The following NCAM1 variants were observed in gnomAD, a reference collection of about 807,000 sequenced individuals.
NCAM1 encodes antigen recognized by monoclonal antibody 5.1H11.
Under a neutral mutation model 109.8 loss-of-function variants are expected in NCAM1, and 14 were observed. The observed-to-expected ratio is 0.13, with a 90% CI of 0.08 to 0.20. NCAM1 has a LOEUF of 0.20. Ranked by LOEUF, NCAM1 falls within the 10% of genes least tolerant of loss-of-function variation. NCAM1 has a pLI of 1.00. For synonymous variants in NCAM1, 418 were observed against 442.9 expected, an observed-to-expected ratio of 0.94 and a Z score of 0.70; for missense variants, 774 against 1,109.9, an observed-to-expected ratio of 0.70 and a Z score of 4.30.
chr11:113,131,549 T>C (rs1555098310), intron 1 of NCAM1, among the ~76,000 whole-genome samples: 1 of 152,032 alleles, frequency 6.6e-6, no homozygotes, highest in Non-Finnish European at 1.5e-5. Flanking sequence ...TTGCAAGGGG[T>C]ATGTAAGTGA....
intron 17 of NCAM1, chr11:113,269,586 G>C (rs1946220434): frequency 6.5e-6 from 1 of 153,890 alleles, no homozygotes; most frequent in African/African-American, 2.4e-5. Context: ...TTCCTGGGGT[G>C]CAGTGAGGAG....
chr11:113,193,400 C>T (rs1321650563), intron 1 of NCAM1, among the ~76,000 whole-genome samples: 2 of 152,190 alleles, frequency 1.3e-5, no homozygotes, highest in African/African-American at 4.8e-5. Flanking sequence ...GAGCCCAGCA[C>T]TTCGAGAGGC....
At chr11:113,061,213 C>G (rs1361854786) in intron 1 of NCAM1, among the ~76,000 whole-genome samples, 10 of 152,034 alleles carry the variant, frequency 6.6e-5, no homozygotes, top group Admixed American at 6.6e-4. Context: ...ATAATATCCT[C>G]TATATTGTTG....
chr11:113,240,917 C>G (rs1208465465), intron 14 of NCAM1: 2 of 1,338,890 alleles, frequency 1.5e-6, no homozygotes, highest in Non-Finnish European at 2.1e-6. Flanking sequence ...ATCTCCTTCA[C>G]CAGGTGATAA....
chr11:113,092,861 T>A (rs73006881), intron 1 of NCAM1, among the ~76,000 whole-genome samples: 1,979 of 152,294 alleles, frequency 0.013, 14 homozygotes, highest in Non-Finnish European at 0.022. Flanking sequence ...ACCAGCACTG[T>A]CCCACAATTG....
At chr11:113,247,012 A>G (rs1945518633) in intron 15 of NCAM1, among the ~76,000 whole-genome samples, 1 of 152,232 alleles carries the variant, frequency 6.6e-6, no homozygotes, top group Non-Finnish European at 1.5e-5. Flanking sequence ...AGCAAAAGTC[A>G]CTTGGCAATT....
At chr11:113,154,424 A>G (rs11214518) in intron 1 of NCAM1, among the ~76,000 whole-genome samples, 21,767 of 152,138 alleles carry the variant, frequency 0.14, 1,735 homozygotes, top group East Asian at 0.26. Flanking sequence ...AGAAAGAAGC[A>G]GAGAGGTCTT....
chr11:113,126,047 C>T (rs1230008778), intron 1 of NCAM1, among the ~76,000 whole-genome samples: 1 of 151,122 alleles, frequency 6.6e-6, no homozygotes, highest in Non-Finnish European at 1.5e-5. Flanking sequence ...GTCCCAGCTG[C>T]TTGAGAGGCT....
At position 113,278,403 on chromosome 11, in the gene NCAM1, C is replaced by CTT. The variant is rs1317552067; in HGVS notation, c.*3017_*3018dup. 1 of 152,146 alleles carries CTT rather than the reference C, an allele frequency of 6.6e-6. No individual in the cohort carries two copies. Among genetic ancestry groups the CTT allele is most frequent in the Non-Finnish European group, 1.5e-5 (1 of 68,024 alleles). 9.4% of individuals were successfully genotyped at this position (152,146 alleles called of 1,614,324 possible). A position where few individuals can be genotyped will look rare whatever the true frequency, so the allele number is the denominator to read the frequency against. ...TTTGACTTTGCATTCTGTCGGAATA[C>CTT]TTGTGTTCAATAAAAATTGAAAGAA... On this transcript the variant is annotated 3_prime_UTR_variant, in exon 20 of 20. Coordinates refer to ENST00000316851, the MANE Select transcript of NCAM1 (RefSeq NM_181351.5).
intron 1 of NCAM1, among the ~76,000 whole-genome samples, chr11:113,177,843 C>T (rs1943214627): frequency 6.6e-6 from 1 of 152,164 alleles, no homozygotes; most frequent in African/African-American, 2.4e-5. Context: ...CACTCCGTTT[C>T]TGCTTTCTCT....
intron 1 of NCAM1, among the ~76,000 whole-genome samples, chr11:112,991,785 G>A (rs1257936107): frequency 1.3e-5 from 2 of 152,120 alleles, no homozygotes; most frequent in Admixed American, 6.5e-5. Context: ...TACTATTTGT[G>A]CATAATGAAA....
chr11:113,002,347 C>A (rs1188240976), intron 1 of NCAM1, among the ~76,000 whole-genome samples: 1 of 152,152 alleles, frequency 6.6e-6, no homozygotes, highest in African/African-American at 2.4e-5. Flanking sequence ...TTCCTGCTGG[C>A]CTTAGTGAAA....
At chr11:113,260,988 C>T (rs1378113176) in intron 17 of NCAM1, among the ~76,000 whole-genome samples, 2 of 152,296 alleles carry the variant, frequency 1.3e-5, no homozygotes, top group Non-Finnish European at 2.9e-5. Context: ...TCCAGGGATC[C>T]AAGACCTAAC....
At chr11:113,024,238 A>T (rs1555076784) in intron 1 of NCAM1, among the ~76,000 whole-genome samples, 2 of 152,166 alleles carry the variant, frequency 1.3e-5, no homozygotes, top group Admixed American at 6.5e-5. Flanking sequence ...GTCTGCGGTG[A>T]TGTGTTCAAA....
In NCAM1 at chr11:113,014,153, T is replaced by C. The variant is rs370175031; in HGVS notation, c.52+52489T>C. On this transcript the variant is annotated intron_variant, in intron 1 of 19. Transcript: ENST00000316851. The stretch of plus-strand genomic sequence containing the variant: ...ATACTACACAGGCTTGGGGAACACA[T>C]TTAAAAGGCATTTTGGGTTTTAGCT... 1.6e-4 allele frequency among the ~76,000 whole-genome samples: 25 copies of C among 152,292 alleles called. No individual in the cohort carries two copies. In the East Asian group the frequency reaches 4.8e-3, roughly 29 times the overall value.
intron 1 of NCAM1, among the ~76,000 whole-genome samples, chr11:113,200,223 G>A (rs1944008429): frequency 6.6e-6 from 1 of 152,142 alleles, no homozygotes; most frequent in South Asian, 2.1e-4. Flanking sequence ...AAAAGATCAG[G>A]ACTTAGGTGA....
At chr11:113,225,471 G>A (rs1944815932) in intron 9 of NCAM1, among the ~76,000 whole-genome samples, 1 of 152,244 alleles carries the variant, frequency 6.6e-6, no homozygotes, top group Admixed American at 6.5e-5. Flanking sequence ...GTACCTGAAA[G>A]TGACGGGGAG....
At chr11:113,099,658 C>T (rs1565435812) in intron 1 of NCAM1, among the ~76,000 whole-genome samples, 1 of 152,156 alleles carries the variant, frequency 6.6e-6, no homozygotes, top group East Asian at 1.9e-4. Context: ...TTTTGCGAAG[C>T]TTGCTTCAAG....
chr11:113,006,910 A>T (rs1951906838), intron 1 of NCAM1, among the ~76,000 whole-genome samples: 1 of 152,156 alleles, frequency 6.6e-6, no homozygotes, highest in Admixed American at 6.5e-5. Context: ...TATTTAAAGG[A>T]TGATACATTT....
Sources: gnomAD v4.1 joint callset for allele counts (sites outside exome capture counted in the v4.1 genomes callset) on GRCh38, gnomAD v4.1.1 for gene constraint, MANE v1.5 for transcripts, NCBI Gene and HGNC (gene_info 2026-07-23, HGNC 2026-07-21) for gene names.